The following CAPN2 variants were observed in gnomAD, a reference collection of about 807,000 sequenced individuals.
CAPN2 encodes the protein calpain 2.
CAPN2 carries 92 observed loss-of-function variants against 102.3 expected under a neutral mutation model. The ratio of observed to expected loss-of-function variants is 0.90; its 90% CI spans 0.76 to 1.07. The LOEUF (loss-of-function observed/expected upper bound fraction) is 1.07. Among genes scored for constraint, CAPN2 ranks in the 50% least tolerant of loss-of-function variants. The pLI is 0.00. For synonymous variants in CAPN2, 340 were observed against 355.4 expected (o/e 0.96, Z 0.49); for missense variants, 800 against 909.4 (o/e 0.88, Z 1.55).
At chr1:223,718,361 C>T (rs1411783959) in intron 2 of CAPN2, among the ~76,000 whole-genome samples, 1 of 152,342 alleles carries the variant, frequency 6.6e-6, no homozygotes, top group Non-Finnish European at 1.5e-5. Flanking sequence ...CATGGTATCA[C>T]AGTTGTAACG....
At chr1:223,753,053 G>A (rs980693481) in intron 9 of CAPN2, 97 bp downstream of exon 9, 2 of 1,124,762 alleles carry the variant, frequency 1.8e-6, no homozygotes, top group African/African-American at 3.1e-5. Context: ...CAGCCTAGCA[G>A]CCCCAGGAGG....
chr1:223,703,472 C>A (rs1571771189), intron 1 of CAPN2, among the ~76,000 whole-genome samples: 1 of 152,144 alleles, frequency 6.6e-6, no homozygotes, highest in African/African-American at 2.4e-5. Flanking sequence ...CTGCTCCAGC[C>A]AATGACAACA....
At chr1:223,734,175 G>C (rs1202759425) in intron 2 of CAPN2, among the ~76,000 whole-genome samples, 1 of 152,360 alleles carries the variant, frequency 6.6e-6, no homozygotes, top group Admixed American at 6.5e-5. Context: ...CCCGGCTGGA[G>C]ACCCGGTCAG....
chr1:223,758,894 AC>A (rs1157903703), intron 11 of CAPN2: 1 of 294,428 alleles, frequency 3.4e-6, no homozygotes, highest in African/African-American at 2.2e-5. Context: ...GGGTCTCACT[AC>A]ATTGCCCAGG....
rs372908040 is a variant in CAPN2, at chr1:223,768,698, AAGT to A, written c.1756-1139_1756-1137del. 4.0e-3 allele frequency among the ~76,000 whole-genome samples: 611 copies of A among 151,130 alleles called. 23 individuals are homozygous for A. The East Asian group carries it at 0.1, about 25-fold the overall frequency. ...CTTTTTTGGTTCCATATGAACTTTA[AAGT>A]AGTTTTTTCCAATTCTGTGAAGAAA... On this transcript the variant is annotated intron_variant, in intron 16 of 20. Coordinates refer to ENST00000295006, the MANE Select transcript of CAPN2 (RefSeq NM_001748.5).
At chr1:223,749,808 A>G (rs151213736) in intron 6 of CAPN2, among the ~76,000 whole-genome samples, 24 of 152,272 alleles carry the variant, frequency 1.6e-4, no homozygotes, top group African/African-American at 5.3e-4. Flanking sequence ...CGAGCCTAGG[A>G]GTTCAAGACC....
chr1:223,747,008 G>A lies in CAPN2; in HGVS notation c.572G>A (p.Cys191Tyr). Residue 191 changes from cysteine (C) to tyrosine (Y), a missense_variant, in exon 5 of 21, where the codon TGC (cysteine) becomes TAC (tyrosine). Coordinates refer to ENST00000295006, the MANE Select transcript of CAPN2 (RefSeq NM_001748.5). Reference sequence around the variant, plus strand: ...ATCCCCTCTTGTAGGATCAACGGATGCTATGAAGCGCTATCAGGGGGTGCC... The same window carrying A: ...ATCCCCTCTTGTAGGATCAACGGATACTATGAAGCGCTATCAGGGGGTGCC... ...LEKAYAKING[C>Y]YEALSGGATT... 1.2e-6 allele frequency: 2 copies of A among 1,613,572 alleles called. No individual in the cohort carries two copies. The highest frequency in any genetic ancestry group is 1.7e-6 in the Non-Finnish European group (2 of 1,179,706).
rs1659574109 is a variant in CAPN2 at position 223,705,113 on chromosome 1, C to T, written c.3+3282C>T. 1.3e-5 allele frequency among the ~76,000 whole-genome samples: 2 copies of T among 152,192 alleles called. 1 individual carries two copies. Among genetic ancestry groups the T allele is most frequent in the South Asian group, 4.1e-4 (2 of 4,824 alleles). ...AACTTCCCTTTCAGCAAGCCAGTGT[C>T]GGCACTACAGTGGTTTGGAATACTT... is the stretch of plus-strand genomic sequence containing the variant. On this transcript the variant is annotated intron_variant, in intron 1 of 20. Coordinates refer to the CAPN2 transcript ENST00000433674.
At chr1:223,702,425 T>C (rs957156902) in intron 1 of CAPN2, among the ~76,000 whole-genome samples, 1 of 144,546 alleles carries the variant, frequency 6.9e-6, no homozygotes, top group Non-Finnish European at 1.5e-5. Flanking sequence ...AGACCCTGTC[T>C]AAAAAAACAA....
At chr1:223,771,680 A>G in intron 18 of CAPN2, 129 bp from the exon 19 acceptor site, 1 of 703,296 alleles carries the variant, frequency 1.4e-6, no homozygotes, top group Admixed American at 2.2e-5. Context: ...AGTCTCACAG[A>G]AGAGCAGCCA....
intron 5 of CAPN2, among the ~76,000 whole-genome samples, chr1:223,748,708 C>A (rs751132705): frequency 6.7e-6 from 1 of 149,048 alleles, no homozygotes; most frequent in African/African-American, 2.6e-5. Context: ...CGAGGACCCC[C>A]TCCAGCCCTC....
chr1:223,704,086 T>G (rs187490868), intron 1 of CAPN2, among the ~76,000 whole-genome samples: 1 of 151,792 alleles, frequency 6.6e-6, no homozygotes, highest in Non-Finnish European at 1.5e-5. Context: ...AGGTCAGGAG[T>G]TGGAGACCAG....
intron 20 of CAPN2, 107 bp downstream of exon 20, chr1:223,772,346 C>A: frequency 1.1e-6 from 1 of 935,732 alleles, no homozygotes; most frequent in South Asian, 1.4e-5. Context: ...TTAAAGAGCT[C>A]TTGGTCTGTC....
At chr1:223,717,154 C>T (rs571428442) in intron 1 of CAPN2, among the ~76,000 whole-genome samples, 3 of 152,118 alleles carry the variant, frequency 2.0e-5, no homozygotes, top group East Asian at 1.9e-4. Context: ...GGTTAGATCC[C>T]GCCTGCCCTC....
intron 2 of CAPN2, among the ~76,000 whole-genome samples, chr1:223,732,724 G>A (rs1194865258): frequency 1.3e-5 from 2 of 152,184 alleles, no homozygotes; most frequent in African/African-American, 4.8e-5. Context: ...TATTCAAGAT[G>A]GAGTTGCTCT....
intron 1 of CAPN2, among the ~76,000 whole-genome samples, chr1:223,702,559 C>T (rs542184778): frequency 1.2e-4 from 18 of 152,172 alleles, no homozygotes; most frequent in African/African-American, 1.9e-4. Flanking sequence ...CCCTGAAAAC[C>T]GAAATTAATA....
intron 4 of CAPN2, among the ~76,000 whole-genome samples, chr1:223,745,718 G>A (rs1014853534): frequency 3.3e-5 from 5 of 152,246 alleles, no homozygotes; most frequent in Non-Finnish European, 7.3e-5. Context: ...AGGAGATAGT[G>A]CATGCAGGGT....
At chr1:223,762,925 C>T (rs1469924656) in intron 14 of CAPN2, among the ~76,000 whole-genome samples, 1 of 152,120 alleles carries the variant, frequency 6.6e-6, no homozygotes, top group East Asian at 1.9e-4. Context: ...CTGGGCTCAA[C>T]AATCCTCCAA....
At chr1:223,717,968 T>A (rs1659925297) in intron 2 of CAPN2, 137 bp downstream of exon 2, 1 of 699,690 alleles carries the variant, frequency 1.4e-6, no homozygotes, top group African/African-American at 1.8e-5. Flanking sequence ...TCCATGGAAT[T>A]TCTTGGCCCT....
Sources: allele counts gnomAD v4.1 joint callset (sites outside exome capture counted in the v4.1 genomes callset), GRCh38; gene constraint gnomAD v4.1.1; transcripts MANE v1.5; gene names NCBI Gene and HGNC (gene_info 2026-07-23, HGNC 2026-07-21).